CYB5A: variants seen among roughly 807,000 people sequenced by gnomAD.
The protein encoded by CYB5A is cytochrome b5.
Under a neutral mutation model 16.2 loss-of-function variants are expected in CYB5A, and 10 were observed. That is an observed-to-expected ratio of 0.62 (90% CI 0.38 to 1.04). The LOEUF (loss-of-function observed/expected upper bound fraction) is 1.04, where lower values mean the gene tolerates loss of function less well. Among genes scored for constraint, CYB5A ranks in the 50% least tolerant of loss-of-function variants. The probability of loss-of-function intolerance (pLI) is 0.01; values close to 1 mark genes in which losing one functional copy is unlikely to be tolerated. For synonymous variants in CYB5A, 62 were observed against 57.0 expected, an observed-to-expected ratio of 1.09 and a Z score of -0.40; for missense variants, 161 against 165.9, an observed-to-expected ratio of 0.97 and a Z score of 0.16.
chr18:74,254,551 G>A (rs1306359779), intron 4 of CYB5A, among the ~76,000 whole-genome samples: 2 of 147,872 alleles, frequency 1.4e-5, no homozygotes, highest in South Asian at 2.1e-4. Context: ...ACAGAGTCTT[G>A]CTCTGTTGCT....
chr18:74,267,209 T>C (rs1439124182), intron 1 of CYB5A, among the ~76,000 whole-genome samples: 3 of 151,756 alleles, frequency 2.0e-5, no homozygotes, highest in African/African-American at 7.3e-5. Flanking sequence ...CAGGCTGGAG[T>C]GCAGTGACGC....
At chr18:74,265,947 G>A (rs1982416680) in intron 1 of CYB5A, among the ~76,000 whole-genome samples, 1 of 152,226 alleles carries the variant, frequency 6.6e-6, no homozygotes, top group African/African-American at 2.4e-5. Context: ...ATGAGGTTTG[G>A]AGGGAACAGG....
intron 1 of CYB5A, among the ~76,000 whole-genome samples, chr18:74,281,001 G>A (rs1983077356): frequency 6.6e-6 from 1 of 152,152 alleles, no homozygotes; most frequent in Admixed American, 6.5e-5. Context: ...GGGGCAGGAG[G>A]GGACCACGCG....
intron 1 of CYB5A, among the ~76,000 whole-genome samples, chr18:74,289,934 C>T (rs981904985): frequency 1.3e-5 from 2 of 152,130 alleles, no homozygotes; most frequent in South Asian, 4.2e-4. Context: ...TGAAAAAACT[C>T]GCTTTAGGAG....
At chr18:74,275,227 A>G (rs1005791426) in intron 1 of CYB5A, among the ~76,000 whole-genome samples, 1 of 152,180 alleles carries the variant, frequency 6.6e-6, no homozygotes, top group Non-Finnish European at 1.5e-5. Flanking sequence ...CCTAATACTT[A>G]AAACTCTGAG....
intron 1 of CYB5A, among the ~76,000 whole-genome samples, chr18:74,283,207 C>T (rs890408048): frequency 2.2e-4 from 34 of 152,144 alleles, no homozygotes; most frequent in Non-Finnish European, 3.2e-4. Context: ...GAGAGATGAG[C>T]GGGACCCACT....
intron 1 of CYB5A, among the ~76,000 whole-genome samples, chr18:74,274,646 T>C (rs1982797057): frequency 6.6e-6 from 1 of 152,242 alleles, no homozygotes; most frequent in Non-Finnish European, 1.5e-5. Flanking sequence ...GGCCATTTTA[T>C]AGTTCCTTAG....
intron 1 of CYB5A, among the ~76,000 whole-genome samples, chr18:74,273,589 C>T (rs1041669511): frequency 3.3e-5 from 5 of 152,254 alleles, no homozygotes; most frequent in Admixed American, 2.6e-4. Context: ...ATGGCCAACA[C>T]AGAGCTCATC....
At chr18:74,278,522 G>A (rs756920305) in intron 1 of CYB5A, among the ~76,000 whole-genome samples, 1 of 151,994 alleles carries the variant, frequency 6.6e-6, no homozygotes, top group Non-Finnish European at 1.5e-5. Flanking sequence ...AAACCCAAGG[G>A]ACCCCCTTCT....
At chr18:74,278,567 G>A (rs1292906816) in intron 1 of CYB5A, among the ~76,000 whole-genome samples, 2 of 152,090 alleles carry the variant, frequency 1.3e-5, no homozygotes, top group African/African-American at 4.8e-5. Flanking sequence ...AGTTATCTCT[G>A]GATTTAATCA....
chr18:74,266,945 T>A (rs936028624), intron 1 of CYB5A, among the ~76,000 whole-genome samples: 1 of 152,080 alleles, frequency 6.6e-6, no homozygotes, highest in African/African-American at 2.4e-5. Context: ...ATCCTAAAAA[T>A]TGATATTTTG....
Position 74,275,927 on chromosome 18 carries a change from C to T in CYB5A, c.130-12450G>A, listed in dbSNP as rs145939736. 4.8e-3 allele frequency among the ~76,000 whole-genome samples: 733 copies of T among 152,254 alleles called. 4 individuals are homozygous for T. Among genetic ancestry groups the T allele is most frequent in the African/African-American group, 0.016 (682 of 41,538 alleles). On this transcript the variant is annotated intron_variant, in intron 1 of 4. Coordinates refer to ENST00000340533, the MANE Select transcript of CYB5A (RefSeq NM_148923.4). ...GGTGGCCAGGGAGGACCCGGCGGTGCGCAGACCAGATACCCCAACACCAGC... is the reference window on the plus strand; with the variant it reads ...GGTGGCCAGGGAGGACCCGGCGGTGTGCAGACCAGATACCCCAACACCAGC...
At chr18:74,284,371 C>T (rs1174065509) in intron 1 of CYB5A, among the ~76,000 whole-genome samples, 1 of 152,050 alleles carries the variant, frequency 6.6e-6, no homozygotes, top group Non-Finnish European at 1.5e-5. Context: ...TATCACTTTT[C>T]TTATTAGCTC....
At chr18:74,272,237 C>T (rs1982697086) in intron 1 of CYB5A, among the ~76,000 whole-genome samples, 2 of 152,092 alleles carry the variant, frequency 1.3e-5, no homozygotes, top group African/African-American at 2.4e-5. Flanking sequence ...TTGCACTTAC[C>T]TATTTAGGAA....
intron 1 of CYB5A, among the ~76,000 whole-genome samples, chr18:74,283,660 C>G (rs1360734056): frequency 6.6e-6 from 1 of 152,208 alleles, no homozygotes; most frequent in Non-Finnish European, 1.5e-5. Flanking sequence ...TGATCAAGGT[C>G]TCCAGCAAAT....
intron 1 of CYB5A, among the ~76,000 whole-genome samples, chr18:74,277,743 G>A (rs114814154): frequency 0.016 from 2,411 of 152,284 alleles, 47 homozygotes; most frequent in African/African-American, 0.054. Flanking sequence ...GCAGGAGCTC[G>A]CCAGGTGAGC....
Position 74,263,492 on chromosome 18 carries a change from G to A in CYB5A, c.130-15C>T, listed in dbSNP as rs200501302. 2 of 1,613,904 alleles carry A rather than the reference G, an allele frequency of 1.2e-6. No individual in the cohort carries two copies. The highest frequency in any genetic ancestry group is 1.7e-5 in the Admixed American group (1 of 60,008). On this transcript the variant is annotated splice_polypyrimidine_tract_variant and intron_variant, in intron 1 of 4. Transcript: ENST00000340533. ...CCACCAGGATGCTGTTCAAAGGAGA[G>A]GTAGAATAAAAATTTTTTTTTCAGG...
intron 1 of CYB5A, among the ~76,000 whole-genome samples, chr18:74,285,843 CA>C (rs58176740): frequency 0.092 from 6,520 of 70,874 alleles, 430 homozygotes; most frequent in African/African-American, 0.23. Context: ...GACCCCATCT[CA>C]AAAAAAAAAA....
rs568418921 is a variant in CYB5A, at chr18:74,290,224, C to T, written c.129+1523G>A. On this transcript the variant is annotated intron_variant, in intron 1 of 4. Transcript: ENST00000340533. Reference sequence around the variant, plus strand: ...AGTGAAATACCTTACCAATAAACATCAACTCCAGCCTTATTATTTAATTTT... The same window carrying T: ...AGTGAAATACCTTACCAATAAACATTAACTCCAGCCTTATTATTTAATTTT... Among the ~76,000 whole-genome samples, 24 of 152,170 alleles carry T rather than the reference C, an allele frequency of 1.6e-4. 1 individual carries two copies. In the South Asian group the frequency reaches 4.4e-3, roughly 28 times the overall value.
Sources: gnomAD v4.1 joint callset for allele counts (sites outside exome capture counted in the v4.1 genomes callset) on GRCh38, gnomAD v4.1.1 for gene constraint, MANE v1.5 for transcripts, NCBI Gene and HGNC (gene_info 2026-07-23, HGNC 2026-07-21) for gene names.